The following TEAD4 variants were observed in gnomAD, a reference collection of about 807,000 sequenced individuals.
TEAD4 encodes TEA domain transcription factor 4, also known as transcriptional enhancer factor TEF-3.
A neutral mutation model predicts 52.4 loss-of-function variants in TEAD4; 36 were observed. The ratio of observed to expected loss-of-function variants is 0.69; its 90% CI spans 0.53 to 0.91. The LOEUF is 0.91. Ranked by LOEUF, TEAD4 falls within the 40% of genes least tolerant of loss-of-function variation. The pLI, the probability that TEAD4 is intolerant of heterozygous loss-of-function variation, is 0.00. For synonymous variants in TEAD4, 220 were observed against 231.0 expected (o/e 0.95, Z 0.43); for missense variants, 508 against 583.9 (o/e 0.87, Z 1.34).
At chr12:3,026,154 A>C (rs2098271969) in intron 10 of TEAD4, among the ~76,000 whole-genome samples, 1 of 152,068 alleles carries the variant, frequency 6.6e-6, no homozygotes, top group Non-Finnish European at 1.5e-5. Context: ...TTTCTTTTCC[A>C]GGAATCTCTG....
chr12:2,960,437 G>C (rs1016280038), intron 2 of TEAD4: 85 of 885,966 alleles, frequency 9.6e-5, no homozygotes, highest in Non-Finnish European at 1.1e-4. Flanking sequence ...CAGGGCTTGG[G>C]AAGCTGCTGT....
At chr12:2,970,201 C>T (rs767407262) in intron 2 of TEAD4, among the ~76,000 whole-genome samples, 3 of 152,166 alleles carry the variant, frequency 2.0e-5, no homozygotes, top group Non-Finnish European at 4.4e-5. Flanking sequence ...CCACACAAAG[C>T]GCTAGAACCG....
chr12:2,974,587 G>A (rs2098227917), intron 2 of TEAD4, among the ~76,000 whole-genome samples: 2 of 152,192 alleles, frequency 1.3e-5, no homozygotes, highest in Non-Finnish European at 2.9e-5. Context: ...CAGAGCTGGA[G>A]TCCTACTTTC....
chr12:3,010,794 C>T (rs1346595839), intron 3 of TEAD4, among the ~76,000 whole-genome samples: 1 of 152,196 alleles, frequency 6.6e-6, no homozygotes, highest in Admixed American at 6.5e-5. Context: ...TCTCGGGTTT[C>T]AGTCCCCACA....
intron 3 of TEAD4, among the ~76,000 whole-genome samples, chr12:2,995,994 T>C (rs1394482018): frequency 7.1e-6 from 1 of 141,042 alleles, no homozygotes; most frequent in Admixed American, 7.1e-5. Context: ...GGTGCCAGAG[T>C]GAGGCCCTGT....
chr12:2,987,407 GTTTTTTTTGTTTGT>G (rs1326353530), intron 2 of TEAD4, among the ~76,000 whole-genome samples: 3 of 118,370 alleles, frequency 2.5e-5, no homozygotes, highest in Non-Finnish European at 5.3e-5. Context: ...GAATCAGCTT[GTTTTTTTTGTTTGT>G]TTTGTTTTGT....
intron 10 of TEAD4, among the ~76,000 whole-genome samples, chr12:3,034,522 G>A (rs1169964253): frequency 6.6e-6 from 1 of 152,172 alleles, no homozygotes; most frequent in Non-Finnish European, 1.5e-5. Flanking sequence ...CCTGGGGGCT[G>A]GGGGCAGCCG....
Position 3,040,444 on chromosome 12 carries a change from C to T in TEAD4, c.1271C>T (p.Ala424Val). The T allele has an allele frequency of 6.2e-7, 1 of 1,614,090 alleles. No individual in the cohort carries two copies. The highest frequency in any genetic ancestry group is 8.5e-7 in the Non-Finnish European group (1 of 1,180,012). ...GAGGTGTCAGCCAGTGAGCACGGGGCTCAGCACCACATCTACAGGCTGGTG... is the reference window on the plus strand; with the variant it reads ...GAGGTGTCAGCCAGTGAGCACGGGGTTCAGCACCACATCTACAGGCTGGTG... Residue 424 changes from alanine (A) to valine (V), a missense_variant, in exon 13 of 13, where the codon GCT becomes GTT. Ala to Val is a moderately conservative substitution (Grantham distance 64, BLOSUM62 0). Transcript: ENST00000359864.
chr12:3,018,907 G>A (rs1294963540), intron 7 of TEAD4, among the ~76,000 whole-genome samples: 1 of 151,978 alleles, frequency 6.6e-6, no homozygotes, highest in Non-Finnish European at 1.5e-5. Context: ...AGAGGGAGGG[G>A]TGGATTTCTT....
At chr12:3,014,362 C>T (rs2098262692) in intron 5 of TEAD4, among the ~76,000 whole-genome samples, 1 of 152,254 alleles carries the variant, frequency 6.6e-6, no homozygotes, top group African/African-American at 2.4e-5. Context: ...AGGTTCTGAC[C>T]TGGGGCCCAA....
At chr12:2,983,302 G>T (rs2153954047) in intron 2 of TEAD4, among the ~76,000 whole-genome samples, 1 of 152,282 alleles carries the variant, frequency 6.6e-6, no homozygotes, top group African/African-American at 2.4e-5. Context: ...TACGCTAGAT[G>T]ACATCTCACT....
intron 2 of TEAD4, chr12:2,960,485 A>G: frequency 2.0e-6 from 1 of 499,476 alleles, no homozygotes; most frequent in Non-Finnish European, 2.6e-6. Flanking sequence ...TCCAGGGAGC[A>G]GAACTTTCAA....
intron 5 of TEAD4, among the ~76,000 whole-genome samples, chr12:3,013,502 G>A (rs1349425726): frequency 6.6e-6 from 1 of 152,174 alleles, no homozygotes. Flanking sequence ...GGGAGGCCGA[G>A]TTGGGCGGAT....
At chr12:2,979,774 A>G (rs2098232698) in intron 2 of TEAD4, among the ~76,000 whole-genome samples, 2 of 152,320 alleles carry the variant, frequency 1.3e-5, no homozygotes, top group South Asian at 2.1e-4. Context: ...TAAAGGCTCC[A>G]TCTCCCAACA....
chr12:3,026,467 C>T (rs1272326004), intron 10 of TEAD4, among the ~76,000 whole-genome samples: 1 of 152,204 alleles, frequency 6.6e-6, no homozygotes, highest in Non-Finnish European at 1.5e-5. Flanking sequence ...TATCTGCTGT[C>T]CTCAGTGTAT....
Position 2,962,934 on chromosome 12 carries a change from C to G in TEAD4, c.-30+2894C>G, listed in dbSNP as rs886515555. ...CAGTGCTTGTACACCCCCTACTCCC[C>G]CTAGCCGCCTTCATCCAACAGGCGC... is the stretch of plus-strand genomic sequence containing the variant. On this transcript the variant is annotated intron_variant, in intron 2 of 12. Transcript: ENST00000359864. Among the ~76,000 whole-genome samples the G allele has an allele frequency of 5.9e-5, 9 of 152,180 alleles. No homozygotes were observed. The East Asian group carries it at 7.7e-4, about 13-fold the overall frequency.
intron 2 of TEAD4, among the ~76,000 whole-genome samples, chr12:2,975,425 G>A (rs2098228843): frequency 6.6e-6 from 1 of 151,770 alleles, no homozygotes; most frequent in Admixed American, 6.6e-5. Flanking sequence ...TCTTGCTCTT[G>A]TTGCCCAGGC....
At chr12:2,973,594 A>T (rs374619936) in intron 2 of TEAD4, among the ~76,000 whole-genome samples, 3 of 152,294 alleles carry the variant, frequency 2.0e-5, no homozygotes, top group South Asian at 4.1e-4. Flanking sequence ...GAATGACATG[A>T]AAAAGAGGAG....
At chr12:2,997,289 A>G (rs936523789) in intron 3 of TEAD4, among the ~76,000 whole-genome samples, 4 of 152,254 alleles carry the variant, frequency 2.6e-5, no homozygotes, top group African/African-American at 9.6e-5. Context: ...TTTACTGGCC[A>G]GAACTCCTGT....
Sources: allele counts gnomAD v4.1 joint callset (sites outside exome capture counted in the v4.1 genomes callset), GRCh38; gene constraint gnomAD v4.1.1; transcripts MANE v1.5; gene names NCBI Gene and HGNC (gene_info 2026-07-23, HGNC 2026-07-21).